THRAP3: variants seen among roughly 807,000 people sequenced by gnomAD.
THRAP3 encodes the protein thyroid hormone receptor associated protein 3, also known as thyroid hormone receptor-associated protein 3.
A neutral mutation model predicts 101.0 loss-of-function variants in THRAP3; 16 were observed. That is an observed-to-expected ratio of 0.16 (90% CI 0.11 to 0.24). The LOEUF (loss-of-function observed/expected upper bound fraction) is 0.24, where lower values mean the gene tolerates loss of function less well. Ranked by LOEUF, THRAP3 falls within the 10% of genes least tolerant of loss-of-function variation. The pLI, the probability that THRAP3 is intolerant of heterozygous loss-of-function variation, is 1.00. For synonymous variants in THRAP3, 407 were observed against 422.6 expected (o/e 0.96, Z 0.45); for missense variants, 989 against 1,202.7 (o/e 0.82, Z 2.63).
intron 8 of THRAP3, among the ~76,000 whole-genome samples, chr1:36,295,416 AC>A (rs1645932740): frequency 6.6e-6 from 1 of 152,040 alleles, no homozygotes; most frequent in African/African-American, 2.4e-5. Context: ...ACTACCATGC[AC>A]CTTTGCCCCA....
At chr1:36,214,769 G>A in the THRAP3 span, among the ~76,000 whole-genome samples, 1 of 151,838 alleles carries the variant, frequency 6.6e-6, no homozygotes, top group Non-Finnish European at 1.5e-5. Flanking sequence ...TGAGGCAGGA[G>A]AATCGCTTGA....
chr1:36,224,817 T>C (rs1644942198), intron 1 of THRAP3, among the ~76,000 whole-genome samples: 1 of 152,166 alleles, frequency 6.6e-6, no homozygotes, highest in Admixed American at 6.5e-5. Context: ...CTCCTCCCGT[T>C]TTGGTCGTAT....
intron 2 of THRAP3, among the ~76,000 whole-genome samples, chr1:36,262,959 A>ATTTTTTTTTTTTTTT (rs55662646): frequency 6.7e-5 from 7 of 104,362 alleles, no homozygotes; most frequent in Non-Finnish European, 1.1e-4. Context: ...GGGCCGGCTA[A>ATTTTTTTTTTTTTTT]TTTTTTTTTT....
intron 1 of THRAP3, among the ~76,000 whole-genome samples, chr1:36,253,620 A>G (rs996365526): frequency 8.6e-5 from 13 of 151,950 alleles, no homozygotes; most frequent in Admixed American, 7.9e-4. Context: ...TTGAGACAGA[A>G]TCTCCCTCCG....
chr1:36,277,707 G>A (rs988330715), intron 2 of THRAP3, among the ~76,000 whole-genome samples: 1 of 151,992 alleles, frequency 6.6e-6, no homozygotes, highest in African/African-American at 2.4e-5. Flanking sequence ...TGAAAAGGGT[G>A]AAAAACCAAA....
At chr1:36,234,807 C>CTTTTTTTTTT (rs35278020) in intron 1 of THRAP3, among the ~76,000 whole-genome samples, 14 of 72,482 alleles carry the variant, frequency 1.9e-4, no homozygotes, top group Non-Finnish European at 2.9e-4. Context: ...CTGTTTCAGT[C>CTTTTTTTTTT]TTTTTTTTTT....
intron 1 of THRAP3, among the ~76,000 whole-genome samples, chr1:36,236,681 A>G (rs1645093423): frequency 6.6e-6 from 1 of 152,208 alleles, no homozygotes; most frequent in Non-Finnish European, 1.5e-5. Context: ...ATTTCACAGA[A>G]GAGTTTCCGA....
chr1:36,273,213 T>A (rs1645612818), intron 2 of THRAP3, among the ~76,000 whole-genome samples: 1 of 152,238 alleles, frequency 6.6e-6, no homozygotes, highest in Non-Finnish European at 1.5e-5. Flanking sequence ...TGTAGCATTA[T>A]CTAATCTGGA....
In THRAP3 at chr1:36,304,258, T is replaced by C. The variant is rs1646068022; in HGVS notation, c.*241T>C. On this transcript the variant is annotated 3_prime_UTR_variant, in exon 12 of 12. Transcript: ENST00000354618. ...TGAGCAGAATACAACGCATTGGGCT[T>C]TAGCTGTTTTTCTCATTTGTTGGTG... is the stretch of plus-strand genomic sequence containing the variant. The C allele has an allele frequency of 2.5e-6, 1 of 400,230 alleles. No homozygotes were observed. The highest frequency in any genetic ancestry group is 4.3e-6 in the Non-Finnish European group (1 of 231,798). The allele number at this position is 400,230 out of a possible 1,614,324, so 24.8% of individuals were successfully genotyped here.
At chr1:36,231,594 T>C (rs1645028143) in intron 1 of THRAP3, among the ~76,000 whole-genome samples, 1 of 152,168 alleles carries the variant, frequency 6.6e-6, no homozygotes, top group South Asian at 2.1e-4. Context: ...AGTAGTGCCA[T>C]GTGATTTTTT....
At chr1:36,243,402 A>C (rs1645187729) in intron 1 of THRAP3, among the ~76,000 whole-genome samples, 1 of 151,606 alleles carries the variant, frequency 6.6e-6, no homozygotes, top group Non-Finnish European at 1.5e-5. Context: ...GATGACTCTT[A>C]AGGAGCATGC....
chr1:36,303,151 C>T (rs7525593), intron 11 of THRAP3, among the ~76,000 whole-genome samples: 116,385 of 144,098 alleles, frequency 0.81, 48,137 homozygotes, highest in East Asian at 0.94. Flanking sequence ...TTAGTAGAGA[C>T]GGGGTTTTCA....
chr1:36,220,975 ATATATAT>A (rs1557797708), upstream of THRAP3, among the ~76,000 whole-genome samples: 29 of 99,328 alleles, frequency 2.9e-4, no homozygotes, highest in East Asian at 8.5e-3. Flanking sequence ...AAAAAAAAAT[ATATATAT>A]ATATATATAT....
intron 2 of THRAP3, among the ~76,000 whole-genome samples, chr1:36,280,366 G>A (rs1645715391): frequency 6.6e-6 from 1 of 152,214 alleles, no homozygotes; most frequent in African/African-American, 2.4e-5. Flanking sequence ...TCTAATTAAA[G>A]ACAGAATAAC....
At chr1:36,212,199 C>A in the THRAP3 span, among the ~76,000 whole-genome samples, 1 of 152,128 alleles carries the variant, frequency 6.6e-6, no homozygotes, top group African/African-American at 2.4e-5. Context: ...CAGGTTGGTG[C>A]TTTTCCAGTT....
chr1:36,292,007 T>C (rs1645874214), intron 6 of THRAP3, among the ~76,000 whole-genome samples: 1 of 152,082 alleles, frequency 6.6e-6, no homozygotes, highest in Admixed American at 6.6e-5. Context: ...CATCTGAATA[T>C]AAACTCAAGC....
the THRAP3 span, among the ~76,000 whole-genome samples, chr1:36,215,753 CTT>C: frequency 3.4e-5 from 5 of 145,012 alleles, no homozygotes; most frequent in Non-Finnish European, 3.1e-5. Flanking sequence ...AGAATATTTT[CTT>C]TTTTTTTTTT....
intron 1 of THRAP3, among the ~76,000 whole-genome samples, chr1:36,251,215 A>G (rs1382721984): frequency 2.6e-5 from 4 of 152,140 alleles, no homozygotes; most frequent in Non-Finnish European, 4.4e-5. Context: ...TAGAGGCTCA[A>G]GTGATAAGGA....
the THRAP3 span, among the ~76,000 whole-genome samples, chr1:36,208,685 A>G: frequency 6.6e-6 from 1 of 152,132 alleles, no homozygotes; most frequent in Non-Finnish European, 1.5e-5. Flanking sequence ...GTTTGTTTTA[A>G]GATGGAGTCT....
Sources: allele counts gnomAD v4.1 joint callset (sites outside exome capture counted in the v4.1 genomes callset), GRCh38; gene constraint gnomAD v4.1.1; transcripts MANE v1.5; gene names NCBI Gene and HGNC (gene_info 2026-07-23, HGNC 2026-07-21).